Variants in ATP7B observed in about 807,000 individuals in gnomAD.
The protein encoded by ATP7B is copper-transporting ATPase 2.
Under a neutral mutation model 118.9 loss-of-function variants are expected in ATP7B, and 113 were observed. The observed-to-expected ratio is 0.95, with a 90% CI of 0.82 to 1.11. The LOEUF is 1.11. Ranked by LOEUF, ATP7B falls within the 50% of genes most tolerant of loss-of-function variation. The probability of loss-of-function intolerance (pLI) is 0.00; values close to 1 mark genes in which losing one functional copy is unlikely to be tolerated. For missense variants in ATP7B, 1,867 were observed against 1,871.4 expected, an observed-to-expected ratio of 1.00 and a Z score of 0.04; for synonymous variants, 777 against 727.4, an observed-to-expected ratio of 1.07 and a Z score of -1.10.
intron 1 of ATP7B, among the ~76,000 whole-genome samples, chr13:51,982,005 A>T (rs1301595916): frequency 7.1e-6 from 1 of 140,906 alleles, no homozygotes; most frequent in Non-Finnish European, 1.5e-5. Context: ...TTGGGTGTGA[A>T]TTTTTTTTTT....
rs201061621 is a variant in ATP7B at position 51,946,423 on chromosome 13, G to C, written c.2921C>G (p.Thr974Arg). 6.2e-7 allele frequency: 1 copy of C among 1,614,210 alleles called. No individual in the cohort carries two copies. Among genetic ancestry groups the C allele is most frequent in the South Asian group, 1.1e-5 (1 of 91,076 alleles). Reference sequence around the variant, plus strand: ...GGCAATGCACAGCACCGTGATGGACGTCTGGAAAGCAAACCGGATGATCAC... The same window carrying C: ...GGCAATGCACAGCACCGTGATGGACCTCTGGAAAGCAAACCGGATGATCAC... The part of the protein sequence containing the change: ...TEVIIRFAFQ[T>R]SITVLCIACP... Residue 974 changes from threonine (T) to arginine (R), a missense_variant, in exon 13 of 21, where the codon ACG becomes AGG. Thr to Arg is a moderately conservative substitution (Grantham distance 71). Coordinates refer to ENST00000242839, the MANE Select transcript of ATP7B (RefSeq NM_000053.4).
upstream of ATP7B, among the ~76,000 whole-genome samples, chr13:52,011,724 C>G (rs1184399720): frequency 6.6e-6 from 1 of 152,248 alleles, no homozygotes; most frequent in African/African-American, 2.4e-5. Context: ...TGTCCTCTGC[C>G]GTGCCGGCGC....
chr13:51,936,795 G>A lies in ATP7B; in HGVS notation c.4021+481C>T, dbSNP rs1277337491. The stretch of plus-strand genomic sequence containing the variant: ...TCCTGCCTCAGCCTCCCAAAGTGCT[G>A]GAATTACAGGCATGAGCCACCATGC... On this transcript the variant is annotated intron_variant, in intron 19 of 20. Coordinates refer to ENST00000242839, the MANE Select transcript of ATP7B (RefSeq NM_000053.4). Among the ~76,000 whole-genome samples, 4 of 152,286 alleles carry A rather than the reference G, an allele frequency of 2.6e-5. No homozygotes were observed. The East Asian group carries it at 7.7e-4, about 29-fold the overall frequency.
intron 20 of ATP7B, 86 bp downstream of exon 20, chr13:51,935,507 G>T: frequency 1.5e-6 from 2 of 1,378,972 alleles, no homozygotes; most frequent in Non-Finnish European, 2.0e-6. Flanking sequence ...AATGGGAAAT[G>T]AGAGGCAAGT....
chr13:51,956,838 T>C (rs1958380340), intron 9 of ATP7B, among the ~76,000 whole-genome samples: 2 of 152,196 alleles, frequency 1.3e-5, no homozygotes, highest in South Asian at 4.2e-4. Context: ...TCAGTGTGTG[T>C]AAAGGTTAAG....
chr13:51,983,735 T>C (rs1056965275), intron 1 of ATP7B, among the ~76,000 whole-genome samples: 1 of 152,138 alleles, frequency 6.6e-6, no homozygotes, highest in African/African-American at 2.4e-5. Context: ...TCTTTGCTGT[T>C]CTGTAGCCTC....
At position 52,011,314 on chromosome 13, in the gene ATP7B, G is replaced by A. The variant is rs1954025186; in HGVS notation, c.24C>T (p.Ile8=). MPEQERQ[I]TAREGASRKI... is the part of the protein sequence containing the mutation. ...TCCGACTGGCCCCTTCTCTGGCTGTGATCTGTCTCTCCTGCTCAGGCATCG... is the reference window on the plus strand; with the variant it reads ...TCCGACTGGCCCCTTCTCTGGCTGTAATCTGTCTCTCCTGCTCAGGCATCG... The change falls in exon 1 of 21, where the codon ATC becomes ATT. Residue 8 remains isoleucine (I), a synonymous_variant. Transcript: ENST00000242839. 1 of 1,614,228 alleles carries A rather than the reference G, an allele frequency of 6.2e-7. No homozygotes were observed. The highest frequency in any genetic ancestry group is 8.5e-7 in the Non-Finnish European group (1 of 1,180,028).
chr13:51,941,244 G>T lies in ATP7B; in HGVS notation c.3413-20C>A, dbSNP rs753758073. 1.9e-6 allele frequency: 3 copies of T among 1,613,680 alleles called. No homozygotes were observed. Among genetic ancestry groups the T allele is most frequent in the Admixed American group, 1.7e-5 (1 of 59,986 alleles). On this transcript the variant is annotated intron_variant, in intron 15 of 20. Coordinates refer to ENST00000242839, the MANE Select transcript of ATP7B (RefSeq NM_000053.4). ...CTGCATCTATTCAAAAGAGGCTGTG[G>T]TTATTTCTAAATGGTCCAATTTCAC...
chr13:51,963,736 C>CAAAA (rs933334832), intron 5 of ATP7B, among the ~76,000 whole-genome samples: 2 of 41,144 alleles, frequency 4.9e-5, no homozygotes, highest in African/African-American at 8.7e-5. Context: ...GACCACGTCT[C>CAAAA]AAAAAAAAAA....
rs141098896 is a variant in ATP7B at position 51,978,395 on chromosome 13, T to C, written c.52-3227A>G. Among the ~76,000 whole-genome samples, 229 of 152,322 alleles carry C rather than the reference T, an allele frequency of 1.5e-3. 1 individual carries two copies. Among genetic ancestry groups the C allele is most frequent in the African/African-American group, 5.1e-3 (210 of 41,574 alleles). On this transcript the variant is annotated intron_variant, in intron 1 of 20. Transcript: ENST00000242839. ...AAGAAATGTAACATTCCAACCACAC[T>C]GGCACAGTCTTCCTACATTGCTAGT... is the stretch of plus-strand genomic sequence containing the variant.
In ATP7B at chr13:51,934,655, C is replaced by T; in HGVS notation, c.*101G>A. On this transcript the variant is annotated 3_prime_UTR_variant, in exon 21 of 21. Coordinates refer to ENST00000242839, the MANE Select transcript of ATP7B (RefSeq NM_000053.4). ...GACATATCCAGGGAGCGGAAGTCCC[C>T]AAAGCTGGAGGCTAGCTCAGCCCAT... The T allele has an allele frequency of 6.4e-7, 1 of 1,563,682 alleles. No individual in the cohort carries two copies.
chr13:51,932,817 A>G lies in ATP7B; in HGVS notation c.*1939T>C, dbSNP rs917626620. On this transcript the variant is annotated 3_prime_UTR_variant, in exon 21 of 21. Transcript: ENST00000242839. ...TATATAAATATTTCCATGTCCATAT[A>G]TGAACACAACGTTTATGGTCCTAAA... 1 of 152,210 alleles carries G rather than the reference A, an allele frequency of 6.6e-6. No individual in the cohort carries two copies. The highest frequency in any genetic ancestry group is 2.1e-4 in the South Asian group (1 of 4,826). 9.4% of individuals were successfully genotyped at this position (152,210 alleles called of 1,614,324 possible).
chr13:51,957,073 G>A (rs981392506), intron 9 of ATP7B, among the ~76,000 whole-genome samples: 2 of 152,094 alleles, frequency 1.3e-5, no homozygotes, highest in African/African-American at 4.8e-5. Context: ...AGAGTTTCCA[G>A]GAATAATAAT....
Position 51,942,544 on chromosome 13 carries a change from G to T in ATP7B, c.3254C>A (p.Thr1085Lys). The T allele has an allele frequency of 1.2e-6, 2 of 1,614,108 alleles. No individual in the cohort carries two copies. The highest frequency in any genetic ancestry group is 8.5e-7 in the Non-Finnish European group (1 of 1,180,024). ...VTKYCKEELG[T>K]ETLGYCTDFQ... is the part of the protein sequence containing the mutation. ...GTCCGTGCAGTATCCCAAGGTCTCTGTTCCAAGTTCCTGGGAAGGTGGAAA... is the reference window on the plus strand; with the variant it reads ...GTCCGTGCAGTATCCCAAGGTCTCTTTTCCAAGTTCCTGGGAAGGTGGAAA... Residue 1085 changes from threonine to lysine, a missense_variant, in exon 15 of 21, where the codon ACA becomes AAA. Physicochemically the swap from Thr to Lys is moderately conservative, Grantham distance 78. Transcript: ENST00000242839.
intron 6 of ATP7B, 136 bp from the exon 7 acceptor site, chr13:51,960,458 G>C: frequency 1.8e-6 from 2 of 1,087,050 alleles, no homozygotes; most frequent in South Asian, 1.4e-5. Context: ...GGGTTAAAAT[G>C]AAAGTAAGAA....
intron 1 of ATP7B, among the ~76,000 whole-genome samples, chr13:52,005,941 GT>G (rs201009372): frequency 0.012 from 1,848 of 152,320 alleles, 37 homozygotes; most frequent in African/African-American, 0.043. Context: ...AAGGTTGTGG[GT>G]TTACTGGAAT....
In ATP7B at chr13:51,934,267, C is replaced by A. The variant is rs1956838157; in HGVS notation, c.*489G>T. 7.9e-6 allele frequency: 2 copies of A among 253,500 alleles called. No individual in the cohort carries two copies. The highest frequency in any genetic ancestry group is 1.1e-4 in the South Asian group (2 of 18,604). The allele number at this position is 253,500 out of a possible 1,614,324, so 15.7% of individuals were successfully genotyped here. On this transcript the variant is annotated 3_prime_UTR_variant, in exon 21 of 21. Transcript: ENST00000242839. ...TGTACGAAGAAAGGAACAGACTATG[C>A]AGGAAGAAAGCAACAGGCACACCTG...
At chr13:51,935,481 T>C in intron 20 of ATP7B, 112 bp downstream of exon 20, 1 of 1,198,200 alleles carries the variant, frequency 8.3e-7, no homozygotes, top group South Asian at 1.3e-5. Flanking sequence ...ACTGCAGCAT[T>C]TGTCCCAGGT....
At chr13:51,960,719 A>G (rs934858491) in intron 6 of ATP7B, among the ~76,000 whole-genome samples, 2 of 152,234 alleles carry the variant, frequency 1.3e-5, no homozygotes, top group Non-Finnish European at 2.9e-5. Flanking sequence ...AGAAAAAAAT[A>G]GATAAAAGCA....
Sources: gnomAD v4.1 joint callset for allele counts (sites outside exome capture counted in the v4.1 genomes callset) on GRCh38, gnomAD v4.1.1 for gene constraint, MANE v1.5 for transcripts, NCBI Gene and HGNC (gene_info 2026-07-23, HGNC 2026-07-21) for gene names.